CNTNAP2: variants seen among roughly 807,000 people sequenced by gnomAD.
The protein encoded by CNTNAP2 is contactin associated protein 2, also known as contactin-associated protein-like 2.
CNTNAP2 carries 98 observed loss-of-function variants against 155.2 expected under a neutral mutation model. The ratio of observed to expected loss-of-function variants is 0.63; its 90% CI spans 0.54 to 0.75. CNTNAP2 has a LOEUF of 0.75. CNTNAP2 is among the 30% of genes least tolerant of loss of function. The probability of loss-of-function intolerance (pLI) is 0.00; values close to 1 mark genes in which losing one functional copy is unlikely to be tolerated. For missense variants in CNTNAP2, 1,727 were observed against 1,688.1 expected (o/e 1.02, Z -0.40); for synonymous variants, 651 against 631.2 (o/e 1.03, Z -0.47).
chr7:148,113,558 G>A (rs1005667409), intron 15 of CNTNAP2, among the ~76,000 whole-genome samples: 6 of 152,210 alleles, frequency 3.9e-5, no homozygotes, highest in Non-Finnish European at 5.9e-5. Context: ...GTAAGTGGCT[G>A]CTATGAAATT....
intron 3 of CNTNAP2, among the ~76,000 whole-genome samples, chr7:146,873,433 T>G (rs902894651): frequency 3.3e-5 from 5 of 152,148 alleles, no homozygotes; most frequent in Non-Finnish European, 7.4e-5. Context: ...GCTACTTCAT[T>G]GTTGTTGTTA....
intron 18 of CNTNAP2, among the ~76,000 whole-genome samples, chr7:148,202,907 C>T (rs1246122897): frequency 6.6e-6 from 1 of 152,140 alleles, no homozygotes; most frequent in African/African-American, 2.4e-5. Context: ...TTTTTCCTTT[C>T]TCTTCTCATT....
chr7:146,462,487 C>T (rs530351798), intron 1 of CNTNAP2, among the ~76,000 whole-genome samples: 94 of 152,254 alleles, frequency 6.2e-4, no homozygotes, highest in Non-Finnish European at 1.1e-3. Context: ...TCCCTTCTGA[C>T]CTTGGTGTTT....
intron 8 of CNTNAP2, among the ~76,000 whole-genome samples, chr7:147,149,041 T>C (rs1329736198): frequency 6.7e-6 from 1 of 148,938 alleles, no homozygotes; most frequent in Non-Finnish European, 1.5e-5. Flanking sequence ...TTGCCGCTGC[T>C]GGCTGGGGTG....
At chr7:147,173,011 G>A (rs1270451745) in intron 8 of CNTNAP2, among the ~76,000 whole-genome samples, 1 of 152,064 alleles carries the variant, frequency 6.6e-6, no homozygotes, top group African/African-American at 2.4e-5. Context: ...TTAACACACA[G>A]GCTATAATTT....
Position 147,727,663 on chromosome 7 carries a change from G to A in CNTNAP2, c.2098+88357G>A, listed in dbSNP as rs185837108. On this transcript the variant is annotated intron_variant, in intron 13 of 23. Coordinates refer to ENST00000361727, the MANE Select transcript of CNTNAP2 (RefSeq NM_014141.6). ...TATTTTACAGGTGAGGAAGCAGCTC[G>A]TAGCATTTTAGTAACATGTCCAGAT... 1.4e-4 allele frequency among the ~76,000 whole-genome samples: 21 copies of A among 151,430 alleles called. No individual in the cohort carries two copies. The East Asian group carries it at 3.5e-3, about 25-fold the overall frequency.
chr7:148,161,006 A>G (rs571136910), intron 17 of CNTNAP2, among the ~76,000 whole-genome samples: 1 of 152,196 alleles, frequency 6.6e-6, no homozygotes, highest in South Asian at 2.1e-4. Flanking sequence ...AGGTTTCTTG[A>G]CCCAATATCC....
intron 1 of CNTNAP2, among the ~76,000 whole-genome samples, chr7:146,591,999 G>A (rs896301585): frequency 6.6e-6 from 1 of 152,212 alleles, no homozygotes; most frequent in African/African-American, 2.4e-5. Flanking sequence ...AGCCAAAAGA[G>A]TCATTTTTCA....
intron 1 of CNTNAP2, among the ~76,000 whole-genome samples, chr7:146,588,274 A>C (rs1798727175): frequency 6.6e-6 from 1 of 152,080 alleles, no homozygotes; most frequent in Admixed American, 6.5e-5. Context: ...ATCTTAAATT[A>C]ATGAATTTAG....
intron 12 of CNTNAP2, among the ~76,000 whole-genome samples, chr7:147,567,552 AG>A (rs1287161061): frequency 6.6e-6 from 1 of 152,176 alleles, no homozygotes; most frequent in Non-Finnish European, 1.5e-5. Context: ...GTGGCAATAA[AG>A]TAAAAGAGGA....
intron 21 of CNTNAP2, among the ~76,000 whole-genome samples, chr7:148,326,820 G>A (rs567444113): frequency 3.1e-4 from 46 of 150,510 alleles, no homozygotes; most frequent in Admixed American, 1.6e-3. Flanking sequence ...AGCCGAGATC[G>A]TGCCACTGCT....
chr7:146,352,235 T>A (rs1282182180), intron 1 of CNTNAP2, among the ~76,000 whole-genome samples: 1 of 152,208 alleles, frequency 6.6e-6, no homozygotes, highest in African/African-American at 2.4e-5. Context: ...TTATTATATT[T>A]AAAATTTTTG....
chr7:146,295,838 G>A (rs544092052), intron 1 of CNTNAP2, among the ~76,000 whole-genome samples: 20 of 147,606 alleles, frequency 1.4e-4, no homozygotes, highest in South Asian at 2.1e-4. Flanking sequence ...GCACAGCACC[G>A]CACTCCAGCC....
chr7:147,439,677 G>A (rs1315432647), intron 10 of CNTNAP2, among the ~76,000 whole-genome samples: 4 of 151,940 alleles, frequency 2.6e-5, no homozygotes, highest in Non-Finnish European at 5.9e-5. Flanking sequence ...TGAACGTGGG[G>A]TGTTGAAATC....
intron 4 of CNTNAP2, among the ~76,000 whole-genome samples, chr7:147,051,194 A>ATATATATG (rs1563058247): frequency 4.8e-5 from 7 of 147,086 alleles, no homozygotes; most frequent in Admixed American, 1.4e-4. Flanking sequence ...GTATATATAT[A>ATATATATG]TATATATATA....
chr7:147,990,294 G>A (rs1801688009), intron 15 of CNTNAP2, among the ~76,000 whole-genome samples: 1 of 152,166 alleles, frequency 6.6e-6, no homozygotes, highest in Non-Finnish European at 1.5e-5. Flanking sequence ...AACACAAAAG[G>A]CAGCTCAACA....
chr7:146,319,578 A>G (rs115838593), intron 1 of CNTNAP2, among the ~76,000 whole-genome samples: 2,200 of 152,242 alleles, frequency 0.014, 56 homozygotes, highest in African/African-American at 0.049. Context: ...ATAAATTTGA[A>G]CTCACATTGT....
At chr7:147,262,965 A>G (rs185877116) in intron 8 of CNTNAP2, among the ~76,000 whole-genome samples, 1 of 152,200 alleles carries the variant, frequency 6.6e-6, no homozygotes, top group African/African-American at 2.4e-5. Context: ...TTTTGCTATG[A>G]CAGCCCCAGA....
intron 1 of CNTNAP2, among the ~76,000 whole-genome samples, chr7:146,461,230 G>A (rs1028009681): frequency 8.6e-5 from 13 of 151,556 alleles, no homozygotes; most frequent in African/African-American, 2.9e-4. Context: ...GTGAAACCCC[G>A]TCTCTACTAA....
Sources: allele counts gnomAD v4.1 joint callset (sites outside exome capture counted in the v4.1 genomes callset), GRCh38; gene constraint gnomAD v4.1.1; transcripts MANE v1.5; gene names NCBI Gene and HGNC (gene_info 2026-07-23, HGNC 2026-07-21).